Variants in TMEM143 observed in about 807,000 individuals in gnomAD.
TMEM143 encodes the protein transmembrane protein 143.
TMEM143 carries 45 observed loss-of-function variants against 40.3 expected under a neutral mutation model. That is an observed-to-expected ratio of 1.12 (90% CI 0.88 to 1.43). The LOEUF (loss-of-function observed/expected upper bound fraction) is 1.43. TMEM143 is among the 40% of genes most tolerant of loss of function. TMEM143 has a pLI of 0.00. For missense variants in TMEM143, 620 were observed against 613.4 expected (o/e 1.01, Z -0.11); for synonymous variants, 299 against 282.7 (o/e 1.06, Z -0.58).
At chr19:48,352,810 C>T (rs945727483) in intron 3 of TMEM143, among the ~76,000 whole-genome samples, 1 of 151,912 alleles carries the variant, frequency 6.6e-6, no homozygotes, top group South Asian at 2.1e-4. Flanking sequence ...GGAGACAGAG[C>T]CTTACTATGT....
At chr19:48,354,771 C>T (rs946915241) in intron 3 of TMEM143, among the ~76,000 whole-genome samples, 1 of 152,100 alleles carries the variant, frequency 6.6e-6, no homozygotes, top group Non-Finnish European at 1.5e-5. Flanking sequence ...CAAGGTCACC[C>T]GCACCACTAG....
intron 6 of TMEM143, among the ~76,000 whole-genome samples, chr19:48,341,645 C>G (rs775267985): frequency 1.3e-5 from 2 of 152,196 alleles, no homozygotes; most frequent in African/African-American, 4.8e-5. Context: ...ATCCCCACAA[C>G]ACCTCTATGA....
intron 3 of TMEM143, among the ~76,000 whole-genome samples, chr19:48,352,474 A>T (rs1473993198): frequency 7.9e-5 from 1 of 12,634 alleles, no homozygotes; most frequent in East Asian, 6.7e-3. Context: ...CAGTTAATTA[A>T]AAAAAAAAAA....
rs1216293747 is a variant in TMEM143 at position 48,363,867 on chromosome 19, T to C, written c.23+31A>G. ...CTAGGGGGTGCAGGGCCGCCCTCCCTGGCCATGCAATCCCCCGATTTCTCC... is the reference window on the plus strand; with the variant it reads ...CTAGGGGGTGCAGGGCCGCCCTCCCCGGCCATGCAATCCCCCGATTTCTCC... On this transcript the variant is annotated intron_variant, in intron 1 of 7. Coordinates refer to ENST00000293261, the MANE Select transcript of TMEM143 (RefSeq NM_018273.4). 7 of 1,613,926 alleles carry C rather than the reference T, an allele frequency of 4.3e-6. No individual in the cohort carries two copies. The East Asian group carries it at 1.1e-4, about 26-fold the overall frequency.
At chr19:48,347,290 A>G (rs1969655559) in intron 3 of TMEM143, among the ~76,000 whole-genome samples, 1 of 152,132 alleles carries the variant, frequency 6.6e-6, no homozygotes, top group Admixed American at 6.6e-5. Flanking sequence ...TGTTCAGGCC[A>G]GGTGCGATTC....
rs754682054 is a variant in TMEM143 at position 48,342,510 on chromosome 19, C to T, written c.975+20G>A. 2.1e-5 allele frequency: 33 copies of T among 1,586,192 alleles called. No individual in the cohort carries two copies. Among genetic ancestry groups the T allele is most frequent in the African/African-American group, 2.7e-5 (2 of 74,344 alleles). On this transcript the variant is annotated intron_variant, in intron 6 of 7. Coordinates refer to ENST00000293261, the MANE Select transcript of TMEM143 (RefSeq NM_018273.4). ...CCCCACAGCGCAGGGCCGCAGGAGGCGTGGCAGGCGCATGCTCACCTTGGA... is the reference window on the plus strand; with the variant it reads ...CCCCACAGCGCAGGGCCGCAGGAGGTGTGGCAGGCGCATGCTCACCTTGGA...
chr19:48,344,001 C>T (rs1418350575), intron 4 of TMEM143, among the ~76,000 whole-genome samples: 1 of 152,076 alleles, frequency 6.6e-6, no homozygotes, highest in African/African-American at 2.4e-5. Flanking sequence ...ATTCTCGTGC[C>T]TCAGCCTCCC....
In TMEM143 at chr19:48,345,691, G is replaced by C. The variant is rs1375336976; in HGVS notation, c.370-337C>G. ...TCACTGTGTTGCCCAGGCTGGTCTT[G>C]AACTCCTGAGCTCAGGCAATATGCC... On this transcript the variant is annotated intron_variant, in intron 3 of 7. Coordinates refer to ENST00000293261, the MANE Select transcript of TMEM143 (RefSeq NM_018273.4). Among the ~76,000 whole-genome samples, 3 of 151,584 alleles carry C rather than the reference G, an allele frequency of 2.0e-5. No homozygotes were observed. In the Admixed American group the frequency reaches 2.0e-4, roughly 10 times the overall value.
intron 6 of TMEM143, among the ~76,000 whole-genome samples, chr19:48,342,303 G>A (rs1969511000): frequency 7.2e-6 from 1 of 139,068 alleles, no homozygotes; most frequent in South Asian, 2.4e-4. Flanking sequence ...AGGAAGGAAG[G>A]ACAGGGAGGG....
intron 6 of TMEM143, among the ~76,000 whole-genome samples, chr19:48,337,997 G>A (rs1033203830): frequency 6.6e-6 from 1 of 151,176 alleles, no homozygotes; most frequent in Non-Finnish European, 1.5e-5. Flanking sequence ...AGTCTCCCTG[G>A]AGAGGGGTCC....
chr19:48,352,937 T>A (rs943746312), intron 3 of TMEM143, among the ~76,000 whole-genome samples: 12 of 152,044 alleles, frequency 7.9e-5, no homozygotes, highest in Admixed American at 5.3e-4. Flanking sequence ...TAAATAATCA[T>A]CTCTCTCTAG....
intron 6 of TMEM143, among the ~76,000 whole-genome samples, chr19:48,339,980 C>T (rs1203740928): frequency 6.6e-6 from 1 of 151,820 alleles, no homozygotes; most frequent in Non-Finnish European, 1.5e-5. Context: ...CTGCCTGCCT[C>T]AGCCTCCCAA....
chr19:48,342,093 AG>A (rs899475155), intron 6 of TMEM143, among the ~76,000 whole-genome samples: 3 of 107,490 alleles, frequency 2.8e-5, no homozygotes, highest in Non-Finnish European at 3.7e-5. Context: ...GAGAAAGGGA[AG>A]GGGGGAGGAA....
chr19:48,359,572 T>C (rs1303515521), intron 3 of TMEM143, among the ~76,000 whole-genome samples: 2 of 134,782 alleles, frequency 1.5e-5, no homozygotes. Context: ...AGTGGCGCAA[T>C]CTTGGCTCAC....
At chr19:48,361,923 G>A (rs1042983861) in intron 2 of TMEM143, among the ~76,000 whole-genome samples, 4 of 152,106 alleles carry the variant, frequency 2.6e-5, no homozygotes, top group Non-Finnish European at 5.9e-5. Flanking sequence ...AGGATTACAC[G>A]CTCTTTCTTG....
At chr19:48,353,367 A>G (rs1442395035) in intron 3 of TMEM143, among the ~76,000 whole-genome samples, 1 of 151,244 alleles carries the variant, frequency 6.6e-6, no homozygotes, top group African/African-American at 2.4e-5. Flanking sequence ...GTATTTTAGT[A>G]GAGACGGGTT....
At chr19:48,344,268 C>T (rs1969573785) in intron 4 of TMEM143, among the ~76,000 whole-genome samples, 1 of 150,120 alleles carries the variant, frequency 6.7e-6, no homozygotes, top group Admixed American at 6.7e-5. Context: ...TAATGTGTCT[C>T]TCTGTGTGTG....
intron 3 of TMEM143, among the ~76,000 whole-genome samples, chr19:48,349,037 T>G (rs1419886336): frequency 6.6e-6 from 1 of 151,560 alleles, no homozygotes; most frequent in Non-Finnish European, 1.5e-5. Context: ...TTTATATATA[T>G]AAAAATTAGC....
chr19:48,353,494 C>T (rs1969820439), intron 3 of TMEM143, among the ~76,000 whole-genome samples: 1 of 151,748 alleles, frequency 6.6e-6, no homozygotes, highest in Non-Finnish European at 1.5e-5. Context: ...CAACAACAAA[C>T]GATTTTTTTA....
Sources: gnomAD v4.1 joint callset for allele counts (sites outside exome capture counted in the v4.1 genomes callset) on GRCh38, gnomAD v4.1.1 for gene constraint, MANE v1.5 for transcripts, NCBI Gene and HGNC (gene_info 2026-07-23, HGNC 2026-07-21) for gene names.